Variants in CUX1 observed in about 807,000 individuals in gnomAD.
The protein encoded by CUX1 is cut like homeobox 1, also known as protein CASP.
In CUX1, 31 loss-of-function variants were observed where a neutral mutation model predicts 158.8. The observed-to-expected ratio is 0.20, with a 90% CI of 0.15 to 0.26. The LOEUF is 0.26. Among genes scored for constraint, CUX1 ranks in the 10% least tolerant of loss-of-function variants. The pLI, the probability that CUX1 is intolerant of heterozygous loss-of-function variation, is 1.00. For missense variants in CUX1, 1,589 were observed against 2,014.6 expected, an observed-to-expected ratio of 0.79 and a Z score of 4.04; for synonymous variants, 879 against 862.1, an observed-to-expected ratio of 1.02 and a Z score of -0.34.
chr7:102,085,756 G>T (rs1827895632), intron 4 of CUX1, among the ~76,000 whole-genome samples: 1 of 152,088 alleles, frequency 6.6e-6, no homozygotes, highest in Non-Finnish European at 1.5e-5. Flanking sequence ...TCCATATAGG[G>T]TTTTCACTTT....
intron 3 of CUX1, among the ~76,000 whole-genome samples, chr7:102,053,919 C>T (rs567376176): frequency 1.3e-5 from 2 of 151,652 alleles, no homozygotes; most frequent in South Asian, 4.2e-4. Context: ...CATTCTCCTG[C>T]CTCAGACTCC....
rs1415315305 is a variant in CUX1, at chr7:101,885,599, C to T, written c.31-30516C>T. Among the ~76,000 whole-genome samples the T allele has an allele frequency of 6.6e-5, 10 of 152,040 alleles. 1 individual carries two copies. On this transcript the variant is annotated intron_variant, in intron 1 of 23. Coordinates refer to ENST00000292535, the MANE Select transcript of CUX1 (RefSeq NM_181552.4). ...AAGATGGAAAGATGGGAGGATTCTC[C>T]CCAGGAAGGCCCAGGCCGCAGGGTC...
chr7:102,148,199 C>G (rs1554502611), intron 8 of CUX1, among the ~76,000 whole-genome samples: 1 of 152,008 alleles, frequency 6.6e-6, no homozygotes, highest in African/African-American at 2.4e-5. Context: ...AGGGCTGAGA[C>G]CCAGGCCTGT....
At position 102,251,262 on chromosome 7, in the gene CUX1, G is replaced by GTT; in HGVS notation, c.*2221_*2222dup. ...TTTTTTATTTGGGGGGTGGGAGGGAGTTATAATTTTAAAGGTATGCTCTGG... is the reference window on the plus strand; with the variant it reads ...TTTTTTATTTGGGGGGTGGGAGGGAGTTTTATAATTTTAAAGGTATGCTCTGG... On this transcript the variant is annotated 3_prime_UTR_variant, in exon 24 of 24. Coordinates refer to ENST00000292535, the MANE Select transcript of CUX1 (RefSeq NM_181552.4). The GTT allele has an allele frequency of 2.0e-6, 2 of 981,114 alleles. No homozygotes were observed. The allele number at this position is 981,114 out of a possible 1,614,324, so 60.8% of individuals were successfully genotyped here.
chr7:101,992,165 G>C (rs77736392), intron 2 of CUX1, among the ~76,000 whole-genome samples: 1,784 of 152,284 alleles, frequency 0.012, 50 homozygotes, highest in African/African-American at 0.041. Flanking sequence ...AGGCTTGGAG[G>C]GGGGTGCACT....
intron 2 of CUX1, among the ~76,000 whole-genome samples, chr7:101,924,156 A>G (rs1206079736): frequency 4.0e-5 from 6 of 151,852 alleles, no homozygotes; most frequent in African/African-American, 1.2e-4. Context: ...TATCTCTGCC[A>G]TGGGGAGGAG....
chr7:102,021,614 CT>C (rs67147187), intron 2 of CUX1, among the ~76,000 whole-genome samples: 31 of 109,358 alleles, frequency 2.8e-4, no homozygotes, highest in Non-Finnish European at 3.4e-4. Flanking sequence ...TTTTTTTTCT[CT>C]TTTTTTTTTT....
At chr7:102,118,535 TA>T (rs1230902208) in intron 8 of CUX1, among the ~76,000 whole-genome samples, 19 of 150,418 alleles carry the variant, frequency 1.3e-4, no homozygotes, top group African/African-American at 4.2e-4. Flanking sequence ...AGACCCTGTC[TA>T]AAAAAAAAGG....
At position 102,055,294 on chromosome 7, in the gene CUX1, C is replaced by T. The variant is rs57481680; in HGVS notation, c.190-15045C>T. ...GTTTTTTTACAGGGATACTTTGTTG[C>T]ATTGAGCTCCACTTTTTTATGCTTT... is the stretch of plus-strand genomic sequence containing the variant. On this transcript the variant is annotated intron_variant, in intron 3 of 23. Coordinates refer to ENST00000292535, the MANE Select transcript of CUX1 (RefSeq NM_181552.4). 9.3e-3 allele frequency among the ~76,000 whole-genome samples: 1,412 copies of T among 151,966 alleles called. 19 individuals carry two copies. The highest frequency in any genetic ancestry group is 0.032 in the African/African-American group (1,323 of 41,424).
intron 8 of CUX1, among the ~76,000 whole-genome samples, chr7:102,120,959 A>G (rs571918059): frequency 3.3e-5 from 5 of 152,256 alleles, no homozygotes; most frequent in Middle Eastern, 3.4e-3. Context: ...TTTACTTGGG[A>G]GGCTGAGTTG....
At chr7:102,198,222 T>G (rs1254599118) in intron 15 of CUX1, among the ~76,000 whole-genome samples, 1 of 152,172 alleles carries the variant, frequency 6.6e-6, no homozygotes, top group Non-Finnish European at 1.5e-5. Flanking sequence ...ATTGAGCCAC[T>G]GCACTCCAGT....
intron 14 of CUX1, among the ~76,000 whole-genome samples, chr7:102,271,332 A>T (rs1202921956): frequency 6.6e-6 from 1 of 152,124 alleles, no homozygotes; most frequent in Non-Finnish European, 1.5e-5. Context: ...AAACTGAAGC[A>T]TCCCCTCCCT....
rs1554519241 is a variant in CUX1 at position 102,200,133 on chromosome 7, C to T, written c.2023C>T (p.Leu675=). 6.2e-7 allele frequency: 1 copy of T among 1,613,438 alleles called. No individual in the cohort carries two copies. The highest frequency in any genetic ancestry group is 1.7e-5 in the Admixed American group (1 of 59,910). ...CTCTGATGAAGCCATCAAGTCCATC[C>T]TAGAGCAAGCCAAGAGGGAGCTCCA... The part of the protein sequence containing the change: ...TGSDEAIKSI[L]EQAKRELQVQ... The change falls in exon 17 of 24, where the codon CTA becomes TTA. Residue 675 remains leucine, a synonymous_variant. Coordinates refer to ENST00000292535, the MANE Select transcript of CUX1 (RefSeq NM_181552.4).
At chr7:102,107,719 C>G (rs1467529144) in intron 6 of CUX1, among the ~76,000 whole-genome samples, 3 of 152,178 alleles carry the variant, frequency 2.0e-5, no homozygotes, top group Non-Finnish European at 4.4e-5. Context: ...GGGTGAGGTA[C>G]CTCCTACAGC....
chr7:101,991,008 T>G (rs1193539050), intron 2 of CUX1, among the ~76,000 whole-genome samples: 2 of 152,188 alleles, frequency 1.3e-5, no homozygotes, highest in African/African-American at 4.8e-5. Context: ...CAACGCTTTT[T>G]AAACCTCCCC....
At chr7:102,053,767 T>G (rs1407300926) in intron 3 of CUX1, among the ~76,000 whole-genome samples, 1 of 152,022 alleles carries the variant, frequency 6.6e-6, no homozygotes, top group Non-Finnish European at 1.5e-5. Context: ...CTGGAGTATC[T>G]TTTCAAAACT....
rs1206811555 is a variant in CUX1, at chr7:102,249,743, AAG to A, written c.*705_*706del. ...TTTTTGTAGCTGTTCAGTTGCCACT[AAG>A]AGATTGCACAGTCAAAACGACTCTA... On this transcript the variant is annotated 3_prime_UTR_variant, in exon 24 of 24. Coordinates refer to ENST00000292535, the MANE Select transcript of CUX1 (RefSeq NM_181552.4). 3 of 985,538 alleles carry A rather than the reference AAG, an allele frequency of 3.0e-6. No homozygotes were observed. Among genetic ancestry groups the A allele is most frequent in the Non-Finnish European group, 3.6e-6 (3 of 829,774 alleles). The allele number at this position is 985,538 out of a possible 1,614,324, so 61.0% of individuals were successfully genotyped here. A position where few individuals can be genotyped will look rare whatever the true frequency, so the allele number is the denominator to read the frequency against.
intron 9 of CUX1, among the ~76,000 whole-genome samples, chr7:102,168,541 G>A (rs912477705): frequency 6.6e-6 from 1 of 151,404 alleles, no homozygotes; most frequent in African/African-American, 2.4e-5. Flanking sequence ...CTACTCAGGA[G>A]GCTGAGGCAG....
intron 2 of CUX1, chr7:101,961,220 C>T (rs1810447698): frequency 6.6e-6 from 1 of 152,090 alleles, no homozygotes; most frequent in Admixed American, 6.5e-5. Flanking sequence ...TCTGTGTGTC[C>T]CTGGGCAGCG....
Sources: gnomAD v4.1 joint callset for allele counts (sites outside exome capture counted in the v4.1 genomes callset) on GRCh38, gnomAD v4.1.1 for gene constraint, MANE v1.5 for transcripts, NCBI Gene and HGNC (gene_info 2026-07-23, HGNC 2026-07-21) for gene names.